Variants in RIPOR3 observed in about 807,000 individuals in gnomAD.
RIPOR3 encodes family with sequence similarity 65 member C.
A neutral mutation model predicts 114.3 loss-of-function variants in RIPOR3; 95 were observed. That is an observed-to-expected ratio of 0.83 (90% CI 0.70 to 0.99). RIPOR3 has a LOEUF of 0.99. RIPOR3 is among the 50% of genes least tolerant of loss of function. The pLI, the probability that RIPOR3 is intolerant of heterozygous loss-of-function variation, is 0.00. For synonymous variants in RIPOR3, 575 were observed against 543.8 expected (o/e 1.06, Z -0.80); for missense variants, 1,252 against 1,266.9 (o/e 0.99, Z 0.18).
At chr20:50,599,374 AGAGT>A (rs543599488) in intron 13 of RIPOR3, among the ~76,000 whole-genome samples, 149 of 152,162 alleles carry the variant, frequency 9.8e-4, no homozygotes, top group African/African-American at 3.4e-3. Flanking sequence ...CCTGGACAAC[AGAGT>A]GAGACTCCGT....
chr20:50,592,507 T>G lies in RIPOR3; in HGVS notation c.2414A>C (p.Lys805Thr), dbSNP rs769118772. 4 of 1,608,910 alleles carry G rather than the reference T, an allele frequency of 2.5e-6. No individual in the cohort carries two copies. The highest frequency in any genetic ancestry group is 3.4e-6 in the Non-Finnish European group (4 of 1,177,448). The change falls in exon 19 of 22, where the codon AAG becomes ACG. Residue 805 changes from lysine (K) to threonine (T), a missense_variant. Transcript: ENST00000327979. ...CTTCCCCTGCAGCTTCCGGACCACCTTGGCCTGTCCCGCACAGTGAAGCTC... is the reference window on the plus strand; with the variant it reads ...CTTCCCCTGCAGCTTCCGGACCACCGTGGCCTGTCCCGCACAGTGAAGCTC... ...IEELHCAGQA[K>T]VVRKLQGKRL...
intron 4 of RIPOR3, among the ~76,000 whole-genome samples, chr20:50,613,306 A>G (rs1288523333): frequency 6.6e-6 from 1 of 151,912 alleles, no homozygotes; most frequent in Non-Finnish European, 1.5e-5. Context: ...TACAAAAATT[A>G]TCCTGGCATG....
chr20:50,678,494 A>G (rs1449922790), intron 1 of RIPOR3, among the ~76,000 whole-genome samples: 1 of 152,206 alleles, frequency 6.6e-6, no homozygotes, highest in Non-Finnish European at 1.5e-5. Flanking sequence ...CCGGGAAGGA[A>G]AGTCCAAGGC....
chr20:50,645,092 T>A (rs1270261501), intron 1 of RIPOR3, among the ~76,000 whole-genome samples: 2 of 152,162 alleles, frequency 1.3e-5, no homozygotes, highest in Non-Finnish European at 2.9e-5. Flanking sequence ...TCCGCCTGCC[T>A]CAGCCTTCCA....
chr20:50,609,803 G>C, intron 6 of RIPOR3, 81 bp from the exon 7 acceptor site: 1 of 1,342,258 alleles, frequency 7.5e-7, no homozygotes. Flanking sequence ...TCCTCTCTGG[G>C]AGAGGCCCTC....
rs1450552801 is a variant in RIPOR3 at position 50,596,050 on chromosome 20, A to C, written c.1914+90T>G. Reference sequence around the variant, plus strand: ...CAGGATGCAGGTCTGTCACCCCTTCATGCTTCCCACCACCTTCAAGATGAG... The same window carrying C: ...CAGGATGCAGGTCTGTCACCCCTTCCTGCTTCCCACCACCTTCAAGATGAG... On this transcript the variant is annotated intron_variant, in intron 15 of 21. Coordinates refer to ENST00000327979, the MANE Select transcript of RIPOR3 (RefSeq NM_001290268.2). The C allele has an allele frequency of 5.1e-6, 8 of 1,566,950 alleles. No individual in the cohort carries two copies. In the East Asian group the frequency reaches 1.3e-4, roughly 26 times the overall value.
At chr20:50,655,105 C>A (rs1309407869) in intron 1 of RIPOR3, among the ~76,000 whole-genome samples, 1 of 152,234 alleles carries the variant, frequency 6.6e-6, no homozygotes, top group Non-Finnish European at 1.5e-5. Flanking sequence ...CCCTGGGTAG[C>A]GAAGCTCCCG....
chr20:50,690,691 C>G (rs142134491), intron 1 of RIPOR3, among the ~76,000 whole-genome samples: 96 of 152,260 alleles, frequency 6.3e-4, no homozygotes, highest in Non-Finnish European at 9.3e-4. Flanking sequence ...GCTGTGTGAC[C>G]TCAGCAAGTC....
At position 50,617,696 on chromosome 20, in the gene RIPOR3, G is replaced by T. The variant is rs562980950; in HGVS notation, c.270-1616C>A. 1.4e-4 allele frequency among the ~76,000 whole-genome samples: 21 copies of T among 144,944 alleles called. No individual in the cohort carries two copies. The South Asian group carries it at 2.9e-3, about 20-fold the overall frequency. On this transcript the variant is annotated intron_variant, in intron 3 of 21. Coordinates refer to ENST00000327979, the MANE Select transcript of RIPOR3 (RefSeq NM_001290268.2). Reference sequence around the variant, plus strand: ...GCTGGAGTGCAATAACGCGATCTTGGCTCACCACAACCCCCACCTCCCGGG... The same window carrying T: ...GCTGGAGTGCAATAACGCGATCTTGTCTCACCACAACCCCCACCTCCCGGG...
intron 1 of RIPOR3, among the ~76,000 whole-genome samples, chr20:50,689,076 T>G (rs1412713526): frequency 1.3e-5 from 2 of 151,930 alleles, no homozygotes; most frequent in African/African-American, 4.8e-5. Context: ...AGGCCATCAG[T>G]CCTTTTCCCC....
chr20:50,679,813 C>T (rs1459174519), intron 1 of RIPOR3, among the ~76,000 whole-genome samples: 1 of 151,554 alleles, frequency 6.6e-6, no homozygotes, highest in Non-Finnish European at 1.5e-5. Context: ...AAAAATTAGC[C>T]AGGCATGGCG....
intron 1 of RIPOR3, among the ~76,000 whole-genome samples, chr20:50,643,854 C>T (rs1265834774): frequency 6.6e-6 from 1 of 152,006 alleles, no homozygotes; most frequent in Admixed American, 6.6e-5. Context: ...GCTGGGACTA[C>T]AGGCGCCCGC....
chr20:50,625,260 C>T (rs760470169), intron 2 of RIPOR3, among the ~76,000 whole-genome samples: 13 of 152,270 alleles, frequency 8.5e-5, no homozygotes, highest in Non-Finnish European at 1.8e-4. Flanking sequence ...TTGGTGGAGA[C>T]AGGGTTTCAC....
At chr20:50,604,283 G>A (rs1308523839) in intron 12 of RIPOR3, among the ~76,000 whole-genome samples, 1 of 152,202 alleles carries the variant, frequency 6.6e-6, no homozygotes, top group Admixed American at 6.5e-5. Context: ...ACAGGAGTTG[G>A]TATTAAGGAG....
At chr20:50,671,420 G>A (rs1008905390) in intron 1 of RIPOR3, among the ~76,000 whole-genome samples, 5 of 18,236 alleles carry the variant, frequency 2.7e-4, no homozygotes, top group Non-Finnish European at 5.2e-4. Flanking sequence ...GCGCGTGCAC[G>A]CGCGCGCGCA....
At chr20:50,691,101 T>C in intron 1 of RIPOR3, 25 bp downstream of exon 1, 5 of 1,289,416 alleles carry the variant, frequency 3.9e-6, no homozygotes, top group African/African-American at 1.5e-5. Flanking sequence ...ACGGCACACA[T>C]GGGGAGCAGT....
In RIPOR3 at chr20:50,616,075, T is replaced by C. The variant is rs1418846381; in HGVS notation, c.275A>G (p.Tyr92Cys). Residue 92 changes from tyrosine to cysteine, a missense_variant, in exon 4 of 22, where the codon TAT becomes TGT. Coordinates refer to ENST00000327979, the MANE Select transcript of RIPOR3 (RefSeq NM_001290268.2). ...CAGCTCAGCCTGCTGCACACACAGA[T>C]ACTCCCTGCAAGGAAAGCAAGGAAG... ...FEALKRGLKE[Y>C]LCVQQAELDH... The C allele has an allele frequency of 6.2e-7, 1 of 1,611,424 alleles. No homozygotes were observed. The highest frequency in any genetic ancestry group is 1.3e-5 in the African/African-American group (1 of 74,860).
At chr20:50,677,858 C>T (rs1484619068) in intron 1 of RIPOR3, among the ~76,000 whole-genome samples, 1 of 150,502 alleles carries the variant, frequency 6.6e-6, no homozygotes, top group South Asian at 2.1e-4. Context: ...TTAGTAGAGA[C>T]GGGGTTTCAC....
intron 2 of RIPOR3, chr20:50,620,875 T>C: frequency 1.4e-6 from 1 of 706,422 alleles, no homozygotes; most frequent in East Asian, 2.9e-5. Flanking sequence ...ACACTGAGTT[T>C]GTGCGGGACA....
Sources: allele counts gnomAD v4.1 joint callset (sites outside exome capture counted in the v4.1 genomes callset), GRCh38; gene constraint gnomAD v4.1.1; transcripts MANE v1.5; gene names NCBI Gene and HGNC (gene_info 2026-07-23, HGNC 2026-07-21).